The following GALK2 variants were observed in gnomAD, a reference collection of about 807,000 sequenced individuals.
The protein encoded by GALK2 is galactokinase 2, also known as N-acetylgalactosamine kinase.
In GALK2, 36 loss-of-function variants were observed where a neutral mutation model predicts 52.4. The observed-to-expected ratio is 0.69, with a 90% CI of 0.53 to 0.91. GALK2 has a LOEUF of 0.91. Among genes scored for constraint, GALK2 ranks in the 40% least tolerant of loss-of-function variants. The pLI is 0.00. For missense variants in GALK2, 579 were observed against 559.1 expected, an observed-to-expected ratio of 1.04 and a Z score of -0.36; for synonymous variants, 176 against 199.1, an observed-to-expected ratio of 0.88 and a Z score of 0.98.
intron 1 of GALK2, among the ~76,000 whole-genome samples, chr15:49,187,730 T>G (rs1291891159): frequency 6.6e-6 from 1 of 152,128 alleles, no homozygotes; most frequent in African/African-American, 2.4e-5. Context: ...GAGTAATGCC[T>G]GGTTATTGCT....
chr15:49,234,870 G>A (rs1466652831), intron 3 of GALK2, among the ~76,000 whole-genome samples: 2 of 151,868 alleles, frequency 1.3e-5, no homozygotes, highest in African/African-American at 4.8e-5. Context: ...GGGTTCAAGC[G>A]ATTCTTCTGC....
intron 8 of GALK2, among the ~76,000 whole-genome samples, chr15:49,299,735 T>TTTCTTTTCTTTCTTTCC (rs1347140534): frequency 1.3e-5 from 1 of 77,530 alleles, no homozygotes; most frequent in African/African-American, 5.6e-5. Context: ...TCTTTCTTTC[T>TTTCTTTTCTTTCTTTCC]TTTCTTTCTT....
At chr15:49,229,391 A>G (rs2090372822) in intron 3 of GALK2, among the ~76,000 whole-genome samples, 1 of 152,110 alleles carries the variant, frequency 6.6e-6, no homozygotes, top group African/African-American at 2.4e-5. Flanking sequence ...GCAGTAGTAG[A>G]ACAACCCTCT....
intron 5 of GALK2, among the ~76,000 whole-genome samples, chr15:49,242,639 A>G (rs2091155662): frequency 6.6e-6 from 1 of 152,248 alleles, no homozygotes; most frequent in Non-Finnish European, 1.5e-5. Flanking sequence ...GTAGATGTGG[A>G]ACTTGTTAAT....
At chr15:49,351,407 C>G (rs554032710) in intron 3 of GALK2, among the ~76,000 whole-genome samples, 18 of 152,294 alleles carry the variant, frequency 1.2e-4, no homozygotes, top group African/African-American at 4.1e-4. Flanking sequence ...CAAGTCATGA[C>G]AGCAAATGAG....
intron 2 of GALK2, among the ~76,000 whole-genome samples, chr15:49,212,250 G>A (rs1359766254): frequency 6.6e-6 from 1 of 151,982 alleles, no homozygotes; most frequent in Admixed American, 6.6e-5. Flanking sequence ...CCACGACCAT[G>A]CCTGGATAAT....
chr15:49,266,704 T>C (rs2092374028), intron 5 of GALK2, among the ~76,000 whole-genome samples: 1 of 152,226 alleles, frequency 6.6e-6, no homozygotes, highest in Non-Finnish European at 1.5e-5. Context: ...TTCAGCCAGG[T>C]ACCCACTCCT....
intron 3 of GALK2, chr15:49,225,098 A>C (rs908227183): frequency 2.4e-6 from 1 of 413,430 alleles, no homozygotes; most frequent in African/African-American, 2.1e-5. Flanking sequence ...GTAGTGGTCT[A>C]TAGTGGGGTA....
At chr15:49,252,551 A>C (rs981030372) in intron 5 of GALK2, among the ~76,000 whole-genome samples, 1 of 152,174 alleles carries the variant, frequency 6.6e-6, no homozygotes, top group Admixed American at 6.6e-5. Flanking sequence ...TTTCTTTATA[A>C]GGATATGCTA....
At chr15:49,223,542 C>T (rs1431182217) in intron 3 of GALK2, among the ~76,000 whole-genome samples, 2 of 152,138 alleles carry the variant, frequency 1.3e-5, no homozygotes, top group Non-Finnish European at 2.9e-5. Flanking sequence ...CCCTACTGCC[C>T]CCGCCATTGC....
At chr15:49,186,585 G>T (rs1229603692) in intron 1 of GALK2, among the ~76,000 whole-genome samples, 1 of 148,210 alleles carries the variant, frequency 6.7e-6, no homozygotes, top group Non-Finnish European at 1.5e-5. Flanking sequence ...CTGTCGTCAG[G>T]CTGGAGTGCA....
intron 9 of GALK2, among the ~76,000 whole-genome samples, chr15:49,321,687 C>T (rs1432687398): frequency 6.6e-6 from 1 of 152,196 alleles, no homozygotes; most frequent in East Asian, 1.9e-4. Flanking sequence ...GTAAGTTTCA[C>T]ATATGAGTTC....
downstream of GALK2, among the ~76,000 whole-genome samples, chr15:49,332,378 G>T (rs1332757173): frequency 2.0e-5 from 3 of 152,212 alleles, no homozygotes; most frequent in African/African-American, 7.2e-5. Flanking sequence ...GATGGAAAAG[G>T]CCAGTGGGTG....
intron 3 of GALK2, among the ~76,000 whole-genome samples, chr15:49,349,876 C>G (rs1280961184): frequency 2.6e-5 from 4 of 151,790 alleles, no homozygotes; most frequent in East Asian, 1.9e-4. Context: ...AAACAAAACA[C>G]AAAATAACCC....
At chr15:49,168,518 A>T (rs1000970912), upstream of GALK2, among the ~76,000 whole-genome samples, 1 of 152,192 alleles carries the variant, frequency 6.6e-6, no homozygotes, top group Admixed American at 6.5e-5. Context: ...CAGGAGCTCG[A>T]GACCAGCCTG....
chr15:49,355,839 A>G (rs997987232), intron 3 of GALK2, among the ~76,000 whole-genome samples: 21 of 152,210 alleles, frequency 1.4e-4, no homozygotes, highest in Non-Finnish European at 1.3e-4. Context: ...GCAGCTAGAG[A>G]GAAAGGTCGG....
chr15:49,346,602 G>A (rs1216488065), intron 3 of GALK2, among the ~76,000 whole-genome samples: 2 of 152,072 alleles, frequency 1.3e-5, no homozygotes, highest in Non-Finnish European at 2.9e-5. Context: ...CCTGGACCTC[G>A]GTGATAACAG....
chr15:49,319,606 C>A lies in GALK2; in HGVS notation c.970C>A (p.Leu324Ile). 2 of 1,614,058 alleles carry A rather than the reference C, an allele frequency of 1.2e-6. No individual in the cohort carries two copies. The highest frequency in any genetic ancestry group is 1.7e-6 in the Non-Finnish European group (2 of 1,179,944). ...QILSPNTQDV[L>I]IFKLYQRAKH... ...TCCCCATCCTCTTCCTTCCTCAGTG[C>A]TCATCTTCAAACTCTATCAGCGGGC... Residue 324 changes from leucine to isoleucine, a missense_variant and splice_region_variant, in exon 9 of 10, where the codon CTC (leucine) becomes ATC (isoleucine). Leu to Ile is a conservative substitution (Grantham distance 5). Coordinates refer to ENST00000560031, the MANE Select transcript of GALK2 (RefSeq NM_002044.4).
At position 49,296,662 on chromosome 15, in the gene GALK2, C is replaced by T. The variant is rs374154506; in HGVS notation, c.967+4125C>T. Among the ~76,000 whole-genome samples, 57 of 151,736 alleles carry T rather than the reference C, an allele frequency of 3.8e-4. 1 individual carries two copies. The East Asian group carries it at 6.4e-3, about 17-fold the overall frequency. On this transcript the variant is annotated intron_variant, in intron 8 of 9. Coordinates refer to ENST00000560031, the MANE Select transcript of GALK2 (RefSeq NM_002044.4). Reference sequence around the variant, plus strand: ...TAGCCTAGGCTGGAGTGCAGTGATGCGATCTTGGCTCACTGAAACCTCTGC... The same window carrying T: ...TAGCCTAGGCTGGAGTGCAGTGATGTGATCTTGGCTCACTGAAACCTCTGC...
Sources: allele counts gnomAD v4.1 joint callset (sites outside exome capture counted in the v4.1 genomes callset), GRCh38; gene constraint gnomAD v4.1.1; transcripts MANE v1.5; gene names NCBI Gene and HGNC (gene_info 2026-07-23, HGNC 2026-07-21).